Variants in HSPA12A observed in about 807,000 individuals in gnomAD.
HSPA12A encodes heat shock 70 kDa protein 12A.
A neutral mutation model predicts 69.2 loss-of-function variants in HSPA12A; 28 were observed. The ratio of observed to expected loss-of-function variants is 0.40; its 90% CI spans 0.30 to 0.55. The LOEUF (loss-of-function observed/expected upper bound fraction) is 0.55. Among genes scored for constraint, HSPA12A ranks in the 20% least tolerant of loss-of-function variants. The pLI is 0.38. For missense variants in HSPA12A, 686 were observed against 900.7 expected (o/e 0.76, Z 3.05); for synonymous variants, 345 against 370.5 (o/e 0.93, Z 0.79).
chr10:116,803,179 T>A (rs1011231666), intron 2 of HSPA12A, among the ~76,000 whole-genome samples: 8 of 152,224 alleles, frequency 5.3e-5, no homozygotes, highest in African/African-American at 1.9e-4. Flanking sequence ...TTTCTGAGGG[T>A]ATGCTGTGTG....
At chr10:116,833,615 A>G (rs562478224) in intron 2 of HSPA12A, among the ~76,000 whole-genome samples, 21 of 152,204 alleles carry the variant, frequency 1.4e-4, no homozygotes, top group Non-Finnish European at 2.8e-4. Context: ...AGATCAATAA[A>G]TTTATTTATT....
chr10:116,737,055 T>C (rs1170839545), intron 1 of HSPA12A, among the ~76,000 whole-genome samples: 1 of 152,216 alleles, frequency 6.6e-6, no homozygotes, highest in Non-Finnish European at 1.5e-5. Context: ...ACTCATTTAA[T>C]TCTCATAAAG....
chr10:116,713,573 G>T (rs555221836), intron 1 of HSPA12A, among the ~76,000 whole-genome samples: 2 of 152,026 alleles, frequency 1.3e-5, no homozygotes, highest in African/African-American at 4.8e-5. Flanking sequence ...ATGAAATGTC[G>T]CAGGGAGAGC....
intron 1 of HSPA12A, among the ~76,000 whole-genome samples, chr10:116,740,092 T>C (rs1301795646): frequency 2.0e-5 from 3 of 152,236 alleles, no homozygotes; most frequent in Non-Finnish European, 2.9e-5. Flanking sequence ...CATTTTTTTA[T>C]GTCCTTAATA....
At chr10:116,740,663 T>C (rs1589677001) in intron 1 of HSPA12A, among the ~76,000 whole-genome samples, 1 of 11,836 alleles carries the variant, frequency 8.4e-5, no homozygotes, top group African/African-American at 2.1e-4. Flanking sequence ...TGTGTGTGTG[T>C]GTGTGTGTGT....
At chr10:116,782,221 C>G (rs1554891873) in intron 2 of HSPA12A, among the ~76,000 whole-genome samples, 1 of 152,176 alleles carries the variant, frequency 6.6e-6, no homozygotes, top group Non-Finnish European at 1.5e-5. Context: ...AGAAATGTGA[C>G]TATCCCAAGG....
chr10:116,750,269 G>A, intron 2 of HSPA12A: 1 of 817,304 alleles, frequency 1.2e-6, no homozygotes, highest in Non-Finnish European at 2.1e-6. Context: ...AGGCCAAGTG[G>A]AGGTGACTGG....
chr10:116,705,019 G>T, intron 3 of HSPA12A, 132 bp downstream of exon 3: 1 of 1,072,562 alleles, frequency 9.3e-7, no homozygotes, highest in Non-Finnish European at 1.3e-6. Flanking sequence ...CAGTGGCATG[G>T]TGAGCTTGAG....
chr10:116,693,515 T>C (rs1849798078), intron 5 of HSPA12A, among the ~76,000 whole-genome samples: 2 of 152,210 alleles, frequency 1.3e-5, no homozygotes, highest in African/African-American at 4.8e-5. Flanking sequence ...CTTTCCTTCC[T>C]TTCTCTTCCC....
intron 9 of HSPA12A, among the ~76,000 whole-genome samples, chr10:116,680,024 C>G (rs542835947): frequency 6.6e-6 from 1 of 152,126 alleles, no homozygotes; most frequent in Non-Finnish European, 1.5e-5. Context: ...AGTTTTCACC[C>G]TTGTTGCCCA....
intron 1 of HSPA12A, among the ~76,000 whole-genome samples, chr10:116,835,635 G>T (rs1845696259): frequency 6.6e-6 from 1 of 152,210 alleles, no homozygotes; most frequent in African/African-American, 2.4e-5. Flanking sequence ...CTCCTAAACA[G>T]TACAAGGGGA....
rs564881861 is a variant in HSPA12A at position 116,786,794 on chromosome 10, C to T, written c.91+48141G>A. ...AGCTGGGATTACAGGTGCCCACCAC[C>T]ACGTCCAGCTAATTTTTGTATTTTT... On this transcript the variant is annotated intron_variant, in intron 2 of 12. Coordinates refer to the HSPA12A transcript ENST00000635765. 1.1e-4 allele frequency among the ~76,000 whole-genome samples: 16 copies of T among 152,186 alleles called. No individual in the cohort carries two copies. In the South Asian group the frequency reaches 3.3e-3, roughly 32 times the overall value.
At chr10:116,793,142 C>T (rs1844735832) in intron 2 of HSPA12A, among the ~76,000 whole-genome samples, 1 of 152,168 alleles carries the variant, frequency 6.6e-6, no homozygotes, top group Non-Finnish European at 1.5e-5. Context: ...GAGAATTCTC[C>T]ACTAGCAAAC....
chr10:116,816,730 C>A (rs1038098630), intron 2 of HSPA12A, among the ~76,000 whole-genome samples: 1 of 152,166 alleles, frequency 6.6e-6, no homozygotes, highest in African/African-American at 2.4e-5. Context: ...TTCAGGGTGA[C>A]AAAAGTCTTC....
At chr10:116,766,072 C>CT (rs1564812238) in intron 2 of HSPA12A, among the ~76,000 whole-genome samples, 1 of 152,202 alleles carries the variant, frequency 6.6e-6, no homozygotes, top group Non-Finnish European at 1.5e-5. Flanking sequence ...CCACATTCAC[C>CT]TTCCCACCTT....
chr10:116,770,894 T>C (rs4993525), intron 2 of HSPA12A, among the ~76,000 whole-genome samples: 11 of 53,996 alleles, frequency 2.0e-4, no homozygotes, highest in East Asian at 9.8e-4. Context: ...CAAGCCTCTC[T>C]TGGGGGAGAT....
In HSPA12A at chr10:116,705,399, T is replaced by C. The variant is rs1055486172; in HGVS notation, c.127-121A>G. On this transcript the variant is annotated intron_variant, in intron 2 of 11. Coordinates refer to ENST00000369209, the MANE Select transcript of HSPA12A (RefSeq NM_025015.3). ...CCCCTGCAGACAGAAAGACATTCTA[T>C]ATTCCAGCTCAAGTCTACCACCTGG... is the stretch of plus-strand genomic sequence containing the variant. 5.8e-5 allele frequency: 69 copies of C among 1,190,980 alleles called. No individual in the cohort carries two copies. In the East Asian group the frequency reaches 1.6e-3, roughly 27 times the overall value. 73.8% of individuals were successfully genotyped at this position (1,190,980 alleles called of 1,614,324 possible).
At chr10:116,676,683 A>AT (rs1554877778) in intron 10 of HSPA12A, among the ~76,000 whole-genome samples, 181 bp from the exon 11 acceptor site, 1 of 152,200 alleles carries the variant, frequency 6.6e-6, no homozygotes, top group East Asian at 1.9e-4. Context: ...TTAGAAGCTC[A>AT]AAAGCTAAGA....
At chr10:116,796,532 T>C (rs1844830594) in intron 2 of HSPA12A, among the ~76,000 whole-genome samples, 1 of 152,018 alleles carries the variant, frequency 6.6e-6, no homozygotes, top group African/African-American at 2.4e-5. Flanking sequence ...CCACTCAAAC[T>C]ACAAAATGCA....
Sources: gnomAD v4.1 joint callset for allele counts (sites outside exome capture counted in the v4.1 genomes callset) on GRCh38, gnomAD v4.1.1 for gene constraint, MANE v1.5 for transcripts, NCBI Gene and HGNC (gene_info 2026-07-23, HGNC 2026-07-21) for gene names.